KIF9: variants seen among roughly 807,000 people sequenced by gnomAD.
KIF9 encodes the protein kinesin family member 9.
A neutral mutation model predicts 94.8 loss-of-function variants in KIF9; 68 were observed. That is an observed-to-expected ratio of 0.72 (90% CI 0.59 to 0.88). The LOEUF is 0.88. KIF9 is among the 40% of genes least tolerant of loss of function. KIF9 has a pLI of 0.00. For synonymous variants in KIF9, 343 were observed against 362.1 expected (o/e 0.95, Z 0.60); for missense variants, 882 against 982.5 (o/e 0.90, Z 1.37).
At chr3:47,264,769 A>G (rs895478555) in intron 8 of KIF9, among the ~76,000 whole-genome samples, 9 of 152,162 alleles carry the variant, frequency 5.9e-5, no homozygotes, top group African/African-American at 1.9e-4. Context: ...TATAAAATTC[A>G]TATGTTGAAG....
intron 16 of KIF9, among the ~76,000 whole-genome samples, chr3:47,241,269 A>C (rs1699458577): frequency 6.6e-6 from 1 of 151,988 alleles, no homozygotes; most frequent in Non-Finnish European, 1.5e-5. Flanking sequence ...AACAACAATA[A>C]GAAAAGAAAA....
At chr3:47,233,094 CTCATA>C (rs1698727544) in intron 20 of KIF9, among the ~76,000 whole-genome samples, 1 of 151,614 alleles carries the variant, frequency 6.6e-6, no homozygotes, top group Non-Finnish European at 1.5e-5. Flanking sequence ...GGTGCAGTGG[CTCATA>C]TCTGTAATCC....
Position 47,228,530 on chromosome 3 carries a change from C to T in KIF9, c.*122G>A. 1.2e-6 allele frequency: 1 copy of T among 833,356 alleles called. No homozygotes were observed. The highest frequency in any genetic ancestry group is 1.4e-5 in the South Asian group (1 of 69,384). 51.6% of individuals were successfully genotyped at this position (833,356 alleles called of 1,614,324 possible). A position where few individuals can be genotyped will look rare whatever the true frequency, so the allele number is the denominator to read the frequency against. On this transcript the variant is annotated 3_prime_UTR_variant, in exon 21 of 21. Coordinates refer to ENST00000684063, the MANE Select transcript of KIF9 (RefSeq NM_182902.4). ...TCCCAACATGCAGGCCAAATGTGTT[C>T]TCTGTGCTGGGTCCCAGCATTGGAG... is the stretch of plus-strand genomic sequence containing the variant.
At chr3:47,260,064 T>C (rs1700865980) in intron 9 of KIF9, among the ~76,000 whole-genome samples, 1 of 119,770 alleles carries the variant, frequency 8.3e-6, no homozygotes, top group Non-Finnish European at 1.7e-5. Flanking sequence ...AATGTCTCGG[T>C]ATAAAACCCG....
intron 20 of KIF9, among the ~76,000 whole-genome samples, chr3:47,234,835 C>T (rs140786631): frequency 0.019 from 2,907 of 151,996 alleles, 45 homozygotes; most frequent in Non-Finnish European, 0.029. Flanking sequence ...GGATTACAGG[C>T]GTGAGCCACC....
chr3:47,257,564 C>T lies in KIF9; in HGVS notation c.982-4G>A, dbSNP rs374129524. 20 of 1,612,546 alleles carry T rather than the reference C, an allele frequency of 1.2e-5. No individual in the cohort carries two copies. The highest frequency in any genetic ancestry group is 1.7e-5 in the Non-Finnish European group (20 of 1,179,814). On this transcript the variant is annotated splice_polypyrimidine_tract_variant and splice_region_variant and intron_variant, in intron 9 of 20. Coordinates refer to ENST00000684063, the MANE Select transcript of KIF9 (RefSeq NM_182902.4). ...TGGCAAATCTCAGTGAAGATAGCTG[C>T]AAAACAGAGCAGGTAGACATTAGAT...
Position 47,240,976 on chromosome 3 carries a change from C to A in KIF9, c.1749G>T (p.Glu583Asp). 1 of 1,614,130 alleles carries A rather than the reference C, an allele frequency of 6.2e-7. No individual in the cohort carries two copies. Among genetic ancestry groups the A allele is most frequent in the East Asian group, 2.2e-5 (1 of 44,882 alleles). Residue 583 changes from glutamate (E) to aspartate (D), a missense_variant, in exon 17 of 21, where the codon GAG becomes GAT. Transcript: ENST00000684063. ...TCTCACTACCTTGCTCATTCTTAAA[C>A]TCCTCAAAGGCCACTGGTTTGGAGG... ...TPPSKPVAFE[E>D]FKNEQGSEIN... is the part of the protein sequence containing the mutation.
chr3:47,270,149 C>T (rs1454730346), intron 5 of KIF9, among the ~76,000 whole-genome samples: 1 of 152,152 alleles, frequency 6.6e-6, no homozygotes, highest in African/African-American at 2.4e-5. Context: ...GGTGATCCAC[C>T]CACCTCAGCC....
At chr3:47,233,142 C>A (rs1016195749) in intron 20 of KIF9, among the ~76,000 whole-genome samples, 6 of 151,238 alleles carry the variant, frequency 4.0e-5, no homozygotes, top group African/African-American at 1.5e-4. Context: ...GGGTGGATCA[C>A]CTGAGGTCAG....
chr3:47,280,062 C>G (rs141469764), intron 1 of KIF9, among the ~76,000 whole-genome samples: 1 of 152,250 alleles, frequency 6.6e-6, no homozygotes, highest in Non-Finnish European at 1.5e-5. Context: ...AAGCAATCCT[C>G]CCACCTCAAC....
At chr3:47,259,165 G>A (rs1435329812) in intron 9 of KIF9, among the ~76,000 whole-genome samples, 1 of 152,232 alleles carries the variant, frequency 6.6e-6, no homozygotes, top group African/African-American at 2.4e-5. Context: ...AAGAAAGGCT[G>A]CTCTGGGGCG....
chr3:47,234,559 T>C (rs1315044523), intron 20 of KIF9, among the ~76,000 whole-genome samples: 3 of 148,016 alleles, frequency 2.0e-5, no homozygotes, highest in African/African-American at 7.6e-5. Flanking sequence ...AGCATTTTTT[T>C]TTTCTTTTTT....
At chr3:47,230,900 T>G (rs1328599390) in intron 20 of KIF9, among the ~76,000 whole-genome samples, 1 of 152,042 alleles carries the variant, frequency 6.6e-6, no homozygotes, top group Admixed American at 6.6e-5. Context: ...TAGCCAGGCA[T>G]GGTGGCGCAT....
At chr3:47,282,416 A>ACCCCAGCCACTTT in intron 1 of KIF9, 79 bp downstream of exon 1, 2 of 985,624 alleles carry the variant, frequency 2.0e-6, no homozygotes, top group Non-Finnish European at 2.4e-6. Flanking sequence ...CGGTTTTTGG[A>ACCCCAGCCACTTT]CCCCAGCCAC....
chr3:47,263,638 C>T, intron 9 of KIF9: 1 of 346,448 alleles, frequency 2.9e-6, no homozygotes, highest in Non-Finnish European at 5.7e-6. Flanking sequence ...TTAACCCCAG[C>T]CAGCTCAGTG....
intron 13 of KIF9, 29 bp downstream of exon 13, chr3:47,246,168 G>T: frequency 6.2e-7 from 1 of 1,600,210 alleles, no homozygotes; most frequent in South Asian, 1.1e-5. Flanking sequence ...GCCTGATGTA[G>T]GAATGAGGTA....
At chr3:47,256,503 C>T (rs1226419324) in intron 10 of KIF9, among the ~76,000 whole-genome samples, 13 of 149,116 alleles carry the variant, frequency 8.7e-5, no homozygotes, top group Non-Finnish European at 1.9e-4. Flanking sequence ...CCAGCCGCCC[C>T]GTCTGGGAGG....
chr3:47,271,159 A>G (rs1701622321), intron 5 of KIF9, 78 bp downstream of exon 5: 2 of 1,043,892 alleles, frequency 1.9e-6, no homozygotes, highest in Non-Finnish European at 2.8e-6. Flanking sequence ...AAGAAAAAGA[A>G]AAAGAAAAAG....
In KIF9 at chr3:47,265,649, T is replaced by C. The variant is rs997254230; in HGVS notation, c.916+81A>G. 5.5e-6 allele frequency: 8 copies of C among 1,457,110 alleles called. No individual in the cohort carries two copies. The African/African-American group carries it at 7.0e-5, about 13-fold the overall frequency. 90.3% of individuals were successfully genotyped at this position (1,457,110 alleles called of 1,614,324 possible). A position where few individuals can be genotyped will look rare whatever the true frequency, so the allele number is the denominator to read the frequency against. On this transcript the variant is annotated intron_variant, in intron 8 of 20. Transcript: ENST00000684063. ...CCACCAGGAGGGAGCAATTCTATCA[T>C]CACCAGTGGCAGATGTGCCAAACCT...
Sources: allele counts gnomAD v4.1 joint callset (sites outside exome capture counted in the v4.1 genomes callset), GRCh38; gene constraint gnomAD v4.1.1; transcripts MANE v1.5; gene names NCBI Gene and HGNC (gene_info 2026-07-23, HGNC 2026-07-21).